UBA6: variants seen among roughly 807,000 people sequenced by gnomAD.
The protein encoded by UBA6 is ubiquitin-like modifier-activating enzyme 6.
UBA6 carries 87 observed loss-of-function variants against 148.3 expected under a neutral mutation model. The ratio of observed to expected loss-of-function variants is 0.59; its 90% CI spans 0.49 to 0.70. The LOEUF is 0.70. Among genes scored for constraint, UBA6 ranks in the 30% least tolerant of loss-of-function variants. The pLI is 0.00. For missense variants in UBA6, 1,186 were observed against 1,241.2 expected (o/e 0.96, Z 0.67); for synonymous variants, 376 against 401.0 (o/e 0.94, Z 0.75).
In UBA6 at chr4:67,624,169, C is replaced by A; in HGVS notation, c.2797G>T (p.Val933Leu). 4 of 1,608,696 alleles carry A rather than the reference C, an allele frequency of 2.5e-6. No individual in the cohort carries two copies. Among genetic ancestry groups the A allele is most frequent in the Non-Finnish European group, 2.5e-6 (3 of 1,177,602 alleles). The change falls in exon 30 of 33, where the codon GTA becomes TTA. Residue 933 changes from valine (V) to leucine (L), a missense_variant. By Grantham distance (32) the Val-to-Leu change is conservative. Transcript: ENST00000322244. ...NCFLNLAIPI[V>L]VFTETTEVRK... ...ACTTCAGTTGTCTCTGTAAATACTA[C>A]AATTGGAATGGCTAAGTTAAGAAAA...
At chr4:67,631,955 T>C in intron 23 of UBA6, 47 bp from the exon 24 acceptor site, 5 of 1,527,188 alleles carry the variant, frequency 3.3e-6, no homozygotes, top group Non-Finnish European at 2.7e-6. Flanking sequence ...TAATATTATC[T>C]GAGGAAAAAT....
At chr4:67,656,406 A>G (rs1326128400) in intron 13 of UBA6, among the ~76,000 whole-genome samples, 1 of 152,250 alleles carries the variant, frequency 6.6e-6, no homozygotes, top group African/African-American at 2.4e-5. Context: ...AATCTATCAC[A>G]TAAACAGAAC....
chr4:67,655,137 C>G (rs1729654640), intron 13 of UBA6, among the ~76,000 whole-genome samples: 1 of 152,190 alleles, frequency 6.6e-6, no homozygotes, highest in African/African-American at 2.4e-5. Flanking sequence ...GGCAACAAGA[C>G]AGAAGGTTGA....
chr4:67,620,717 G>A (rs1251640382), intron 32 of UBA6, among the ~76,000 whole-genome samples: 1 of 152,108 alleles, frequency 6.6e-6, no homozygotes, highest in Non-Finnish European at 1.5e-5. Flanking sequence ...ATATTAACAG[G>A]ACTAACATTT....
At position 67,613,404 on chromosome 4, in the gene UBA6, G is replaced by A. The variant is rs1435701954; in HGVS notation, c.*5593C>T. ...GTTTTGATTCTGGAATTATTAGACA[G>A]ACTAGAAAATAATTATGCTTTTCAT... On this transcript the variant is annotated 3_prime_UTR_variant, in exon 33 of 33. Transcript: ENST00000322244. The A allele has an allele frequency of 6.6e-6, 1 of 152,038 alleles. No individual in the cohort carries two copies. Among genetic ancestry groups the A allele is most frequent in the African/African-American group, 2.4e-5 (1 of 41,354 alleles). 9.4% of individuals were successfully genotyped at this position (152,038 alleles called of 1,614,324 possible). A position where few individuals can be genotyped will look rare whatever the true frequency, so the allele number is the denominator to read the frequency against.
At chr4:67,633,204 T>G (rs1336802620) in intron 23 of UBA6, 141 bp downstream of exon 23, 2 of 629,114 alleles carry the variant, frequency 3.2e-6, no homozygotes, top group Non-Finnish European at 5.0e-6. Flanking sequence ...GATTAGCATG[T>G]GTTCTCATTT....
intron 18 of UBA6, among the ~76,000 whole-genome samples, chr4:67,639,666 C>A (rs993505412): frequency 2.0e-5 from 3 of 152,114 alleles, no homozygotes; most frequent in African/African-American, 7.2e-5. Flanking sequence ...CACAACCCCC[C>A]AAAATGCCTA....
intron 10 of UBA6, among the ~76,000 whole-genome samples, chr4:67,664,247 T>A (rs1307767268): frequency 6.6e-6 from 1 of 151,994 alleles, no homozygotes; most frequent in African/African-American, 2.4e-5. Context: ...CTACCATATT[T>A]TTATAATACC....
intron 9 of UBA6, among the ~76,000 whole-genome samples, chr4:67,667,469 A>G (rs529420081): frequency 6.6e-6 from 1 of 152,302 alleles, no homozygotes; most frequent in African/African-American, 2.4e-5. Context: ...TTATCTATAA[A>G]CAGTTTGTAA....
At position 67,639,071 on chromosome 4, in the gene UBA6, T is replaced by C; in HGVS notation, c.1608A>G (p.Ile536Met). Residue 536 changes from isoleucine to methionine, a missense_variant, in exon 19 of 33, where the codon ATA becomes ATG. By Grantham distance (10) the Ile-to-Met change is conservative (BLOSUM62 1). Coordinates refer to ENST00000322244, the MANE Select transcript of UBA6 (RefSeq NM_018227.6). ...ADATLKINSQIKIDAHLNKVC... is the reference protein window; with the variant it reads ...ADATLKINSQMKIDAHLNKVC... ...CTTTGTTCAGGTGTGCATCTATCTT[T>C]ATTTGAGAATTTATTTTCAGAGTAG... The C allele has an allele frequency of 6.2e-7, 1 of 1,613,628 alleles. No homozygotes were observed. The highest frequency in any genetic ancestry group is 8.5e-7 in the Non-Finnish European group (1 of 1,179,816).
At chr4:67,670,186 C>T (rs1730110274) in intron 8 of UBA6, among the ~76,000 whole-genome samples, 1 of 152,092 alleles carries the variant, frequency 6.6e-6, no homozygotes, top group African/African-American at 2.4e-5. Context: ...TAAAGTGATC[C>T]ACCCCTGTCA....
chr4:67,670,086 C>T (rs1479116546), intron 8 of UBA6, among the ~76,000 whole-genome samples: 1 of 152,028 alleles, frequency 6.6e-6, no homozygotes, highest in Non-Finnish European at 1.5e-5. Context: ...GTAGCTGGGA[C>T]CACACACCAC....
chr4:67,630,889 A>G (rs1012766265), intron 25 of UBA6, among the ~76,000 whole-genome samples: 2 of 152,228 alleles, frequency 1.3e-5, no homozygotes, highest in African/African-American at 2.4e-5. Flanking sequence ...TAATGAGTAT[A>G]TATCAAGTTC....
At chr4:67,637,325 C>T (rs1368967255) in intron 19 of UBA6, among the ~76,000 whole-genome samples, 2 of 149,116 alleles carry the variant, frequency 1.3e-5, no homozygotes, top group South Asian at 2.2e-4. Flanking sequence ...TGGGGGCCAG[C>T]CCCCACCTGG....
chr4:67,655,029 C>A (rs1386210593), intron 13 of UBA6, among the ~76,000 whole-genome samples: 1 of 152,028 alleles, frequency 6.6e-6, no homozygotes, highest in African/African-American at 2.4e-5. Flanking sequence ...ACAGGTGCAC[C>A]CTGATTCATA....
intron 6 of UBA6, among the ~76,000 whole-genome samples, chr4:67,675,434 A>C (rs981202336): frequency 1.3e-5 from 2 of 152,108 alleles, no homozygotes; most frequent in African/African-American, 4.8e-5. Context: ...ATTCTCCTAA[A>C]TTCTTGGAGG....
intron 18 of UBA6, among the ~76,000 whole-genome samples, 183 bp downstream of exon 18, chr4:67,640,968 T>C (rs978102250): frequency 6.6e-6 from 1 of 152,176 alleles, no homozygotes; most frequent in East Asian, 1.9e-4. Context: ...CCAAAATCAA[T>C]GCAAAAATCA....
chr4:67,662,002 A>T (rs1051243126), intron 13 of UBA6, 187 bp downstream of exon 13: 1 of 510,916 alleles, frequency 2.0e-6, no homozygotes, highest in Non-Finnish European at 3.4e-6. Context: ...TAATGTTCAC[A>T]ATAACCCTAT....
At position 67,631,890 on chromosome 4, in the gene UBA6, A is replaced by G; in HGVS notation, c.2161T>C (p.Cys721Arg). ...TTTAATCGTATGTCCAGAGGGAAACAGTGAAGAAGCTGAAGAGCCTAAAGA... is the reference window on the plus strand; with the variant it reads ...TTTAATCGTATGTCCAGAGGGAAACGGTGAAGAAGCTGAAGAGCCTAAAGA... ...FNHKALQLLHCFPLDIRLKDG... is the reference protein window; with the variant it reads ...FNHKALQLLHRFPLDIRLKDG... Residue 721 changes from cysteine (C) to arginine (R), a missense_variant, in exon 24 of 33, where the codon TGT (cysteine) becomes CGT (arginine). Cys to Arg is a radical substitution (Grantham distance 180). Transcript: ENST00000322244. 6.2e-7 allele frequency: 1 copy of G among 1,612,102 alleles called. No homozygotes were observed. Among genetic ancestry groups the G allele is most frequent in the Non-Finnish European group, 8.5e-7 (1 of 1,179,054 alleles).
Sources: gnomAD v4.1 joint callset for allele counts (sites outside exome capture counted in the v4.1 genomes callset) on GRCh38, gnomAD v4.1.1 for gene constraint, MANE v1.5 for transcripts, NCBI Gene and HGNC (gene_info 2026-07-23, HGNC 2026-07-21) for gene names.